The following VEZF1 variants were observed in gnomAD, a reference collection of about 807,000 sequenced individuals.
VEZF1 encodes putative transcription factor DB1.
Under a neutral mutation model 44.1 loss-of-function variants are expected in VEZF1, and 5 were observed. The observed-to-expected ratio is 0.11, with a 90% CI of 0.06 to 0.24. The LOEUF (loss-of-function observed/expected upper bound fraction) is 0.24. Among genes scored for constraint, VEZF1 ranks in the 10% least tolerant of loss-of-function variants. The pLI, the probability that VEZF1 is intolerant of heterozygous loss-of-function variation, is 1.00. For synonymous variants in VEZF1, 236 were observed against 233.1 expected (o/e 1.01, Z -0.11); for missense variants, 358 against 641.8 (o/e 0.56, Z 4.78).
chr17:57,972,165 C>T lies in VEZF1; in HGVS notation c.*2308G>A, dbSNP rs2075143018. 6.6e-6 allele frequency: 1 copy of T among 152,462 alleles called. No individual in the cohort carries two copies. The allele number at this position is 152,462 out of a possible 1,614,324, so 9.4% of individuals were successfully genotyped here. On this transcript the variant is annotated 3_prime_UTR_variant, in exon 6 of 6. Transcript: ENST00000581208. ...ATACAATGAATTGATAAAACAATTA[C>T]TTCTAGTATATATCTTTTTTTTTTT...
intron 2 of VEZF1, among the ~76,000 whole-genome samples, chr17:57,982,286 T>A (rs1020980712): frequency 6.6e-6 from 1 of 152,212 alleles, no homozygotes; most frequent in Non-Finnish European, 1.5e-5. Context: ...ATGTTGGTGC[T>A]CTCAGAAAAA....
At chr17:57,979,012 A>G (rs928940487) in intron 5 of VEZF1, 140 bp downstream of exon 5, 9 of 1,174,924 alleles carry the variant, frequency 7.7e-6, no homozygotes, top group Middle Eastern at 3.0e-4. Context: ...ACTTTACCAG[A>G]TATTTCCCAG....
rs139637004 is a variant in VEZF1, at chr17:57,983,069, C to A, written c.358G>T (p.Ala120Ser). The part of the protein sequence containing the change: ...TTVVPLISTI[A>S]GDSSRTSLVS... ...AACGAAGTTCGGCTGCTGTCCCCAG[C>A]GATGGTAGAGATAAGGGGAACCACC... The change falls in exon 2 of 6, where the codon GCT becomes TCT. Residue 120 changes from alanine to serine, a missense_variant. This residue lies in a region of VEZF1 where 117 missense variants were observed against 207.2 expected (regional missense o/e 0.56). Transcript: ENST00000581208. 259 of 1,614,022 alleles carry A rather than the reference C, an allele frequency of 1.6e-4. No individual in the cohort carries two copies. Among genetic ancestry groups the A allele is most frequent in the Non-Finnish European group, 2.1e-4 (253 of 1,180,044 alleles).
chr17:57,983,868 T>C (rs918777541), intron 1 of VEZF1, among the ~76,000 whole-genome samples: 2 of 152,232 alleles, frequency 1.3e-5, no homozygotes, highest in Admixed American at 1.3e-4. Flanking sequence ...CATGTCTTTC[T>C]ATCAGAAAAC....
chr17:57,988,149 C>A lies in VEZF1; in HGVS notation c.-38G>T, dbSNP rs1480274619. On this transcript the variant is annotated 5_prime_UTR_variant, in exon 1 of 6. Coordinates refer to ENST00000581208, the MANE Select transcript of VEZF1 (RefSeq NM_007146.3). ...CGACCCCCCTCCTCCCCACTCCCCC[C>A]GCTCGGGGAGCCTCCTCAGCCGGAG... is the stretch of plus-strand genomic sequence containing the variant. 3 of 679,824 alleles carry A rather than the reference C, an allele frequency of 4.4e-6. No homozygotes were observed. Among genetic ancestry groups the A allele is most frequent in the Middle Eastern group, 5.0e-4 (1 of 1,992 alleles). 42.1% of individuals were successfully genotyped at this position (679,824 alleles called of 1,614,324 possible).
Position 57,982,788 on chromosome 17 carries a change from C to T in VEZF1, c.639G>A (p.Arg213=). 4 of 1,614,202 alleles carry T rather than the reference C, an allele frequency of 2.5e-6. No homozygotes were observed. Among genetic ancestry groups the T allele is most frequent in the South Asian group, 1.1e-5 (1 of 91,086 alleles). ...ECPICNQRFK[R]KDRMTYHVRS... ...TCACATGGTAAGTCATCCGGTCCTT[C>T]CTCTTGAAGCGCTGATTACAAATAG... Residue 213 remains arginine, a synonymous_variant, in exon 2 of 6, where the codon AGG becomes AGA. Transcript: ENST00000581208.
rs1038838334 is a variant in VEZF1, at chr17:57,979,077, C to T, written c.1138+75G>A. 67 of 1,540,342 alleles carry T rather than the reference C, an allele frequency of 4.3e-5. No homozygotes were observed. The African/African-American group carries it at 8.7e-4, about 20-fold the overall frequency. On this transcript the variant is annotated intron_variant, in intron 5 of 5. Coordinates refer to ENST00000581208, the MANE Select transcript of VEZF1 (RefSeq NM_007146.3). ...TAGATTTCCTAAAACTGTGGCTTCTCTACTTTGATCACTTGGCATACTAAA... is the reference window on the plus strand; with the variant it reads ...TAGATTTCCTAAAACTGTGGCTTCTTTACTTTGATCACTTGGCATACTAAA...
intron 5 of VEZF1, among the ~76,000 whole-genome samples, chr17:57,975,206 A>G (rs2075178216): frequency 6.6e-6 from 1 of 152,260 alleles, no homozygotes; most frequent in Non-Finnish European, 1.5e-5. Flanking sequence ...TGAGAGGATC[A>G]GTTAACTTCT....
At chr17:57,987,510 T>C (rs1287459020) in intron 1 of VEZF1, among the ~76,000 whole-genome samples, 1 of 151,076 alleles carries the variant, frequency 6.6e-6, no homozygotes, top group Non-Finnish European at 1.5e-5. Flanking sequence ...GCGGGGAACC[T>C]GGGGATACCC....
intron 1 of VEZF1, among the ~76,000 whole-genome samples, chr17:57,986,942 C>T (rs1237771335): frequency 6.6e-6 from 1 of 152,180 alleles, no homozygotes; most frequent in Non-Finnish European, 1.5e-5. Context: ...TCCGAAGTTT[C>T]CCCGTGAGCT....
intron 1 of VEZF1, among the ~76,000 whole-genome samples, chr17:57,983,656 T>C (rs1463435465): frequency 6.6e-6 from 1 of 152,224 alleles, no homozygotes; most frequent in Non-Finnish European, 1.5e-5. Flanking sequence ...CACACTATCC[T>C]GGTTCATAAG....
chr17:57,979,539 TA>T (rs560828047), intron 4 of VEZF1, among the ~76,000 whole-genome samples: 1,914 of 85,196 alleles, frequency 0.022, 30 homozygotes, highest in African/African-American at 0.061. Context: ...CTCTTTGCTA[TA>T]AAAAAAAAAC....
intron 4 of VEZF1, among the ~76,000 whole-genome samples, chr17:57,979,575 T>C (rs538014802): frequency 6.7e-6 from 1 of 150,090 alleles, no homozygotes; most frequent in East Asian, 1.9e-4. Flanking sequence ...AAAGCAAGTG[T>C]CTTTAAAAAT....
At chr17:57,987,919 C>T (rs1016945461) in intron 1 of VEZF1, among the ~76,000 whole-genome samples, 160 bp downstream of exon 1, 1 of 151,822 alleles carries the variant, frequency 6.6e-6, no homozygotes, top group African/African-American at 2.4e-5. Flanking sequence ...CCTCAGCAGC[C>T]CCGCTTCGCC....
At position 57,988,127 on chromosome 17, in the gene VEZF1, C is replaced by T. The variant is rs2075319262; in HGVS notation, c.-16G>A. The T allele has an allele frequency of 1.3e-6, 1 of 781,762 alleles. No individual in the cohort carries two copies. Among genetic ancestry groups the T allele is most frequent in the Non-Finnish European group, 1.6e-6 (1 of 606,746 alleles). The allele number at this position is 781,762 out of a possible 1,614,324, so 48.4% of individuals were successfully genotyped here. On this transcript the variant is annotated 5_prime_UTR_variant, in exon 1 of 6. Coordinates refer to ENST00000581208, the MANE Select transcript of VEZF1 (RefSeq NM_007146.3). ...TGGCCTCCATGGCTGCGGCGGCCGA[C>T]CCCCCTCCTCCCCACTCCCCCCGCT...
chr17:57,974,487 A>T lies in VEZF1; in HGVS notation c.1552T>A (p.Ser518Thr). ...TATAATACTGTTTACCAAGGCGGTG[A>T]TGTAGGCAAAGCTTGGGGCAAGAAA... ...MPFLPQALPT[S>T]PPW Residue 518 changes from serine to threonine, a missense_variant, in exon 6 of 6, where the codon TCA becomes ACA. This residue lies in a region of VEZF1 where 171 missense variants were observed against 272.4 expected (regional missense o/e 0.63). Coordinates refer to ENST00000581208, the MANE Select transcript of VEZF1 (RefSeq NM_007146.3). The T allele has an allele frequency of 6.2e-7, 1 of 1,613,140 alleles. No homozygotes were observed.
At position 57,972,420 on chromosome 17, in the gene VEZF1, C is replaced by T. The variant is rs139941143; in HGVS notation, c.*2053G>A. The T allele has an allele frequency of 2.0e-5, 3 of 146,444 alleles. No homozygotes were observed. Among genetic ancestry groups the T allele is most frequent in the East Asian group, 4.1e-4 (2 of 4,918 alleles). The allele number at this position is 146,444 out of a possible 1,614,324, so 9.1% of individuals were successfully genotyped here. ...TGTGAACTTCCTCCAAATGTGGCCA[C>T]TGTGCCTCCCAATCCAGGCCTCAGC... On this transcript the variant is annotated 3_prime_UTR_variant, in exon 6 of 6. Transcript: ENST00000581208.
At position 57,983,078 on chromosome 17, in the gene VEZF1, A is replaced by G. The variant is rs2075265485; in HGVS notation, c.349T>C (p.Ser117Pro). The G allele has an allele frequency of 6.2e-7, 1 of 1,614,178 alleles. No individual in the cohort carries two copies. Among genetic ancestry groups the G allele is most frequent in the African/African-American group, 1.3e-5 (1 of 75,042 alleles). ...CGGCTGCTGTCCCCAGCGATGGTAG[A>G]GATAAGGGGAACCACCGTGGTGGGG... ...KTPTTVVPLI[S>P]TIAGDSSRTS... Residue 117 changes from serine to proline, a missense_variant, in exon 2 of 6, where the codon TCT becomes CCT. Coordinates refer to ENST00000581208, the MANE Select transcript of VEZF1 (RefSeq NM_007146.3).
In VEZF1 at chr17:57,972,933, A is replaced by T. The variant is rs1567735314; in HGVS notation, c.*1540T>A. The T allele has an allele frequency of 6.6e-6, 1 of 152,626 alleles. No homozygotes were observed. Among genetic ancestry groups the T allele is most frequent in the Non-Finnish European group, 1.5e-5 (1 of 68,036 alleles). The allele number at this position is 152,626 out of a possible 1,614,324, so 9.5% of individuals were successfully genotyped here. ...CTTGAACTGACACAGTAGGGTATAA[A>T]TGGAAATCATCCAGTTTGATAGTCA... is the stretch of plus-strand genomic sequence containing the variant. On this transcript the variant is annotated 3_prime_UTR_variant, in exon 6 of 6. Coordinates refer to ENST00000581208, the MANE Select transcript of VEZF1 (RefSeq NM_007146.3).
Sources: gnomAD v4.1 joint callset for allele counts (sites outside exome capture counted in the v4.1 genomes callset) on GRCh38, gnomAD v4.1.1 for gene constraint, gnomAD v4.1.1 regional missense constraint, MANE v1.5 for transcripts, NCBI Gene and HGNC (gene_info 2026-07-23, HGNC 2026-07-21) for gene names.